Variants in NEK10 observed in about 807,000 individuals in gnomAD.
NEK10 encodes NIMA related kinase 10, also known as serine/threonine-protein kinase Nek10.
In NEK10, 122 loss-of-function variants were observed where a neutral mutation model predicts 159.8. The observed-to-expected ratio is 0.76, with a 90% confidence interval of 0.66 to 0.89. The LOEUF is 0.89. Ranked by LOEUF, NEK10 falls within the 40% of genes least tolerant of loss-of-function variation. NEK10 has a pLI of 0.00. For synonymous variants in NEK10, 466 were observed against 457.1 expected (o/e 1.02, Z -0.25); for missense variants, 1,342 against 1,323.1 (o/e 1.01, Z -0.22).
At chr3:27,189,292 T>C (rs752404790) in intron 26 of NEK10, among the ~76,000 whole-genome samples, 22 of 152,224 alleles carry the variant, frequency 1.4e-4, no homozygotes, top group Non-Finnish European at 2.1e-4. Flanking sequence ...TAATTAAGAA[T>C]AGACTAAAAT....
chr3:27,156,978 A>ATG (rs1945530979), intron 30 of NEK10, among the ~76,000 whole-genome samples: 1 of 115,846 alleles, frequency 8.6e-6, no homozygotes, highest in Non-Finnish European at 1.8e-5. Flanking sequence ...ATATATATAT[A>ATG]TGATGAAATA....
intron 25 of NEK10, 116 bp downstream of exon 25, chr3:27,201,394 T>C: frequency 1.2e-6 from 1 of 827,300 alleles, no homozygotes; most frequent in Non-Finnish European, 1.9e-6. Flanking sequence ...TTTCTAGATT[T>C]GGATTATGTA....
intron 11 of NEK10, among the ~76,000 whole-genome samples, chr3:27,306,863 C>A (rs1182425290): frequency 1.3e-5 from 2 of 152,144 alleles, no homozygotes; most frequent in Non-Finnish European, 2.9e-5. Context: ...TGTGCCCAAC[C>A]ATCACATTCC....
intron 5 of NEK10, among the ~76,000 whole-genome samples, chr3:27,343,814 G>C (rs529775033): frequency 2.6e-5 from 4 of 152,306 alleles, no homozygotes; most frequent in African/African-American, 4.8e-5. Context: ...AGGAATGTTC[G>C]ATTTGGTCCT....
In NEK10 at chr3:27,297,203, G is replaced by A; in HGVS notation, c.1206C>T (p.Asp402=). 6.2e-7 allele frequency: 1 copy of A among 1,613,214 alleles called. No homozygotes were observed. Among genetic ancestry groups the A allele is most frequent in the African/African-American group, 1.3e-5 (1 of 75,040 alleles). ...CAALTELVLN[D]TNAHQVVQEN... ...CCTGAACCACCTGGTGGGCATTGGTGTCATTGAGCACCAGCTCAGTGAGGG... is the reference window on the plus strand; with the variant it reads ...CCTGAACCACCTGGTGGGCATTGGTATCATTGAGCACCAGCTCAGTGAGGG... The change falls in exon 14 of 36, where the codon GAC becomes GAT. Residue 402 remains aspartate (D), a synonymous_variant. Coordinates refer to ENST00000691995, the MANE Select transcript of NEK10 (RefSeq NM_001394966.1).
At chr3:27,313,648 T>C (rs2044895337) in intron 7 of NEK10, among the ~76,000 whole-genome samples, 1 of 152,126 alleles carries the variant, frequency 6.6e-6, no homozygotes, top group African/African-American at 2.4e-5. Context: ...CATATATATA[T>C]ACATATTTCT....
chr3:27,234,279 G>A (rs1260289816), intron 23 of NEK10, among the ~76,000 whole-genome samples: 1 of 145,074 alleles, frequency 6.9e-6, no homozygotes. Flanking sequence ...TCAAGCAAGA[G>A]AAAGTAATAA....
chr3:27,248,306 A>C (rs994086658), intron 23 of NEK10, among the ~76,000 whole-genome samples: 6 of 152,068 alleles, frequency 3.9e-5, no homozygotes, highest in African/African-American at 1.4e-4. Flanking sequence ...ACTTTTCCAA[A>C]AAACAACTTT....
rs184621734 is a variant in NEK10 at position 27,143,669 on chromosome 3, G to C, written c.2870-2087C>G. Among the ~76,000 whole-genome samples the C allele has an allele frequency of 6.2e-4, 95 of 152,062 alleles. 1 individual carries two copies. The highest frequency in any genetic ancestry group is 2.3e-3 in the African/African-American group (94 of 41,462). On this transcript the variant is annotated intron_variant, in intron 30 of 35. Coordinates refer to ENST00000691995, the MANE Select transcript of NEK10 (RefSeq NM_001394966.1). ...AATAAAGTTAAAAATATTTAATTACGCATGCCCCTATAAAAACAAGCAAGC... is the reference window on the plus strand; with the variant it reads ...AATAAAGTTAAAAATATTTAATTACCCATGCCCCTATAAAAACAAGCAAGC...
intron 23 of NEK10, among the ~76,000 whole-genome samples, chr3:27,236,425 A>G (rs1953920287): frequency 6.6e-6 from 1 of 152,186 alleles, no homozygotes; most frequent in Non-Finnish European, 1.5e-5. Flanking sequence ...GCTGGAGGCC[A>G]TTATTCTAAC....
intron 22 of NEK10, among the ~76,000 whole-genome samples, chr3:27,259,761 C>A (rs929302885): frequency 6.6e-6 from 1 of 152,100 alleles, no homozygotes; most frequent in African/African-American, 2.4e-5. Context: ...TGAAGAAAAT[C>A]ATTGGTAGCT....
intron 23 of NEK10, among the ~76,000 whole-genome samples, chr3:27,247,570 C>A (rs1217861880): frequency 6.6e-6 from 1 of 151,956 alleles, no homozygotes; most frequent in Non-Finnish European, 1.5e-5. Flanking sequence ...GACAGAGTCT[C>A]TGTCACCCAA....
At chr3:27,322,051 T>C in intron 6 of NEK10, 126 bp downstream of exon 6, 2 of 581,214 alleles carry the variant, frequency 3.4e-6, no homozygotes, top group East Asian at 5.6e-5. Flanking sequence ...TCCCCATATA[T>C]GGAAGCTATT....
intron 23 of NEK10, among the ~76,000 whole-genome samples, chr3:27,203,150 T>C (rs1325561574): frequency 6.6e-6 from 1 of 152,156 alleles, no homozygotes; most frequent in East Asian, 1.9e-4. Flanking sequence ...AGAACCAGTC[T>C]GCCCCCAGAC....
At chr3:27,333,724 G>T (rs1437580057) in intron 5 of NEK10, among the ~76,000 whole-genome samples, 1 of 151,842 alleles carries the variant, frequency 6.6e-6, no homozygotes, top group Non-Finnish European at 1.5e-5. Flanking sequence ...CTACAACCAG[G>T]GCTGAGCAAG....
intron 1 of NEK10, among the ~76,000 whole-genome samples, chr3:27,354,228 A>C (rs1377835249): frequency 6.6e-6 from 1 of 152,194 alleles, no homozygotes; most frequent in Non-Finnish European, 1.5e-5. Context: ...GGAGAAGCTC[A>C]CAGGCTTCTT....
intron 4 of NEK10, 34 bp from the exon 5 acceptor site, chr3:27,344,404 T>C (rs750749238): frequency 8.8e-7 from 1 of 1,138,352 alleles, no homozygotes; most frequent in Non-Finnish European, 1.3e-6. Context: ...GATTTTGTAA[T>C]AGAGATCAGG....
chr3:27,267,271 A>G (rs1322770732), intron 22 of NEK10, among the ~76,000 whole-genome samples: 1 of 152,156 alleles, frequency 6.6e-6, no homozygotes, highest in Non-Finnish European at 1.5e-5. Context: ...CCTTGAGGAG[A>G]GGGGCTGTCT....
chr3:27,112,493 T>C (rs1316138999), intron 35 of NEK10, among the ~76,000 whole-genome samples: 5 of 152,208 alleles, frequency 3.3e-5, no homozygotes, highest in Admixed American at 6.5e-5. Context: ...ATGACAATGA[T>C]GACCATGTCA....
Sources: gnomAD v4.1 joint callset for allele counts (sites outside exome capture counted in the v4.1 genomes callset) on GRCh38, gnomAD v4.1.1 for gene constraint, MANE v1.5 for transcripts, NCBI Gene and HGNC (gene_info 2026-07-23, HGNC 2026-07-21) for gene names.